Variants in ADAMTS12 observed in about 807,000 individuals in gnomAD.
ADAMTS12 encodes ADAM metallopeptidase with thrombospondin type 1 motif 12.
Under a neutral mutation model 167.8 loss-of-function variants are expected in ADAMTS12, and 118 were observed. The observed-to-expected ratio is 0.70, with a 90% confidence interval of 0.61 to 0.82. The LOEUF (loss-of-function observed/expected upper bound fraction) is 0.82, where lower values mean the gene tolerates loss of function less well. Ranked by LOEUF, ADAMTS12 falls within the 40% of genes least tolerant of loss-of-function variation. ADAMTS12 has a pLI of 0.00. For missense variants in ADAMTS12, 1,916 were observed against 1,998.8 expected (o/e 0.96, Z 0.79); for synonymous variants, 704 against 716.9 (o/e 0.98, Z 0.29).
At chr5:33,730,289 G>GGTGTGTGTGTGTGTGTGTGTGT (rs762232547) in intron 3 of ADAMTS12, among the ~76,000 whole-genome samples, 32 of 144,252 alleles carry the variant, frequency 2.2e-4, no homozygotes, top group African/African-American at 6.9e-4. Flanking sequence ...AGTCCATTAG[G>GGTGTGTGTGTGTGTGTGTGTGT]GTGTGTGTGT....
At chr5:33,735,911 A>AT (rs778147583) in intron 3 of ADAMTS12, among the ~76,000 whole-genome samples, 1 of 152,062 alleles carries the variant, frequency 6.6e-6, no homozygotes, top group Non-Finnish European at 1.5e-5. Context: ...CATTTGTTTG[A>AT]TTTTTCCAGG....
chr5:33,588,771 C>T lies in ADAMTS12; in HGVS notation c.2693G>A (p.Cys898Tyr). The stretch of plus-strand genomic sequence containing the variant: ...TCGCTTCTTCTCCCCGTGGGGCCCG[C>T]ATGTCGCCGAGCATGCTTCCCACTC... ...AGEWEACSAT[C>Y]GPHGEKKRTV... Residue 898 changes from cysteine (C) to tyrosine (Y), a missense_variant, in exon 18 of 24, where the codon TGC (cysteine) becomes TAC (tyrosine). Transcript: ENST00000504830. 2 of 1,613,930 alleles carry T rather than the reference C, an allele frequency of 1.2e-6. No homozygotes were observed. Among genetic ancestry groups the T allele is most frequent in the Non-Finnish European group, 1.7e-6 (2 of 1,180,026 alleles).
intron 3 of ADAMTS12, among the ~76,000 whole-genome samples, chr5:33,716,607 T>G (rs1742567282): frequency 6.6e-6 from 1 of 152,170 alleles, no homozygotes; most frequent in Admixed American, 6.6e-5. Flanking sequence ...ATTGAGTTAA[T>G]TAAAACCTGA....
At chr5:33,591,972 G>A (rs1369159184) in intron 17 of ADAMTS12, among the ~76,000 whole-genome samples, 1 of 152,048 alleles carries the variant, frequency 6.6e-6, no homozygotes, top group East Asian at 1.9e-4. Flanking sequence ...TGTAATCCCA[G>A]CACTTTGGGA....
chr5:33,637,660 G>A lies in ADAMTS12; in HGVS notation c.1805C>T (p.Thr602Ile), dbSNP rs1179437141. The part of the protein sequence containing the change: ...NVHPCRSEAP[T>I]FRQMQCSEFD... Reference sequence around the variant, plus strand: ...TTCACTGCACTGCATCTGCCGAAATGTTGGTGCCTCTGAGCGACAGGGGTG... The same window carrying A: ...TTCACTGCACTGCATCTGCCGAAATATTGGTGCCTCTGAGCGACAGGGGTG... The change falls in exon 12 of 24, where the codon ACA becomes ATA. Residue 602 changes from threonine to isoleucine, a missense_variant. Thr to Ile is a moderately conservative substitution (Grantham distance 89, BLOSUM62 -1). Transcript: ENST00000504830. 1.9e-6 allele frequency: 3 copies of A among 1,613,698 alleles called. No individual in the cohort carries two copies. The highest frequency in any genetic ancestry group is 1.3e-5 in the African/African-American group (1 of 74,900).
intron 13 of ADAMTS12, among the ~76,000 whole-genome samples, chr5:33,627,804 T>C (rs1739732570): frequency 6.6e-6 from 1 of 152,170 alleles, no homozygotes; most frequent in South Asian, 2.1e-4. Flanking sequence ...AGTGTATCAC[T>C]GAGATGGCCA....
chr5:33,692,953 GCT>G (rs1374843731), intron 3 of ADAMTS12, among the ~76,000 whole-genome samples: 2 of 152,188 alleles, frequency 1.3e-5, no homozygotes, highest in Non-Finnish European at 2.9e-5. Context: ...TAGACACTAT[GCT>G]TGGAAACCTC....
intron 6 of ADAMTS12, among the ~76,000 whole-genome samples, chr5:33,661,226 A>C (rs1337827519): frequency 1.3e-5 from 2 of 152,216 alleles, no homozygotes; most frequent in Admixed American, 1.3e-4. Context: ...CCTAGTATAT[A>C]GTAGGTGCTC....
chr5:33,632,282 A>G (rs906410438), intron 12 of ADAMTS12, among the ~76,000 whole-genome samples: 1 of 152,054 alleles, frequency 6.6e-6, no homozygotes, highest in African/African-American at 2.4e-5. Context: ...TTGAAAAATT[A>G]CCTATTGGGT....
intron 3 of ADAMTS12, among the ~76,000 whole-genome samples, chr5:33,739,894 T>C (rs1239933180): frequency 1.3e-5 from 2 of 152,220 alleles, no homozygotes; most frequent in Non-Finnish European, 2.9e-5. Flanking sequence ...GGTCAAGATC[T>C]TCACTTTTAG....
intron 3 of ADAMTS12, among the ~76,000 whole-genome samples, chr5:33,745,452 T>G (rs555269242): frequency 2.6e-5 from 4 of 152,326 alleles, no homozygotes; most frequent in Admixed American, 2.0e-4. Context: ...ACTGATCCTT[T>G]GCTCATATTG....
chr5:33,704,536 C>T (rs1237289918), intron 3 of ADAMTS12, among the ~76,000 whole-genome samples: 1 of 151,982 alleles, frequency 6.6e-6, no homozygotes. Context: ...TGATAATACC[C>T]CACCTAATAG....
intron 3 of ADAMTS12, among the ~76,000 whole-genome samples, chr5:33,750,618 G>T: frequency 6.6e-6 from 1 of 152,116 alleles, no homozygotes. Flanking sequence ...TTTCTCTGAA[G>T]AAAGGAGACA....
chr5:33,803,461 G>A (rs1023476740), intron 2 of ADAMTS12, among the ~76,000 whole-genome samples: 1 of 152,132 alleles, frequency 6.6e-6, no homozygotes, highest in African/African-American at 2.4e-5. Context: ...AACCATTCTG[G>A]TTGTGTTTGA....
At chr5:33,754,175 T>C (rs1463972684) in intron 2 of ADAMTS12, among the ~76,000 whole-genome samples, 2 of 152,162 alleles carry the variant, frequency 1.3e-5, no homozygotes, top group African/African-American at 4.8e-5. Context: ...CGTGGTTTGC[T>C]TTCCAAAGAA....
intron 16 of ADAMTS12, among the ~76,000 whole-genome samples, chr5:33,605,140 G>T (rs1203823679): frequency 4.6e-5 from 7 of 152,232 alleles, no homozygotes; most frequent in African/African-American, 1.7e-4. Context: ...AGCACAGAGA[G>T]TGTTACCTTT....
At chr5:33,613,067 G>A (rs1738807725) in intron 16 of ADAMTS12, among the ~76,000 whole-genome samples, 1 of 152,226 alleles carries the variant, frequency 6.6e-6, no homozygotes, top group Non-Finnish European at 1.5e-5. Context: ...TATGTGAGAG[G>A]GAAGCCTGTG....
chr5:33,592,788 A>G (rs1333026635), intron 17 of ADAMTS12, among the ~76,000 whole-genome samples: 1 of 152,194 alleles, frequency 6.6e-6, no homozygotes, highest in Non-Finnish European at 1.5e-5. Context: ...ATCCATAAAT[A>G]AATAAGATTA....
At chr5:33,822,833 A>G (rs952040245) in intron 2 of ADAMTS12, among the ~76,000 whole-genome samples, 4 of 152,200 alleles carry the variant, frequency 2.6e-5, no homozygotes, top group Admixed American at 2.6e-4. Context: ...CACGCCTGTA[A>G]TCCCAGCACT....
Sources: gnomAD v4.1 joint callset for allele counts (sites outside exome capture counted in the v4.1 genomes callset) on GRCh38, gnomAD v4.1.1 for gene constraint, MANE v1.5 for transcripts, NCBI Gene and HGNC (gene_info 2026-07-23, HGNC 2026-07-21) for gene names.